PRKCA: variants seen among roughly 807,000 people sequenced by gnomAD.
PRKCA encodes protein kinase C alpha.
Under a neutral mutation model 87.0 loss-of-function variants are expected in PRKCA, and 27 were observed. That is an observed-to-expected ratio of 0.31 (90% CI 0.23 to 0.43). The LOEUF (loss-of-function observed/expected upper bound fraction) is 0.43, where lower values mean the gene tolerates loss of function less well. Ranked by LOEUF, PRKCA falls within the 20% of genes least tolerant of loss-of-function variation. The pLI is 1.00. For missense variants in PRKCA, 518 were observed against 852.3 expected (o/e 0.61, Z 4.88); for synonymous variants, 329 against 311.1 (o/e 1.06, Z -0.61).
intron 2 of PRKCA, among the ~76,000 whole-genome samples, chr17:66,401,254 A>T (rs1393388399): frequency 1.3e-5 from 2 of 152,222 alleles, no homozygotes; most frequent in Non-Finnish European, 1.5e-5. Flanking sequence ...TCAGCTTGTG[A>T]CGTGGGATAA....
chr17:66,754,729 G>A (rs1158565138), intron 13 of PRKCA, among the ~76,000 whole-genome samples: 5 of 152,096 alleles, frequency 3.3e-5, no homozygotes, highest in Non-Finnish European at 5.9e-5. Flanking sequence ...GGGCCAAGTC[G>A]ATTAGATGAT....
chr17:66,319,837 G>A (rs1905544487), intron 2 of PRKCA, among the ~76,000 whole-genome samples: 1 of 151,994 alleles, frequency 6.6e-6, no homozygotes. Flanking sequence ...CGCCTACTGG[G>A]TTCAAGGGAT....
chr17:66,780,972 G>T (rs1014889307), intron 14 of PRKCA, among the ~76,000 whole-genome samples: 1 of 152,024 alleles, frequency 6.6e-6, no homozygotes, highest in African/African-American at 2.4e-5. Flanking sequence ...AGCCAGGCGT[G>T]GTGACGTGCA....
chr17:66,564,037 T>TCTTC (rs1968809701), intron 3 of PRKCA, among the ~76,000 whole-genome samples: 2 of 149,570 alleles, frequency 1.3e-5, no homozygotes, highest in African/African-American at 4.9e-5. Context: ...TTTCTTCCTC[T>TCTTC]CTTCCTTCCT....
rs1222108675 is a variant in PRKCA, at chr17:66,806,980, G to A, written c.*2943G>A. On this transcript the variant is annotated 3_prime_UTR_variant, in exon 17 of 17. Transcript: ENST00000413366. ...GGCTTTCCAGATCTCAGCAGCCAAA[G>A]ACAGTTATTGTTGGAAGACTGTCAT... 2 of 152,316 alleles carry A rather than the reference G, an allele frequency of 1.3e-5. No individual in the cohort carries two copies. The highest frequency in any genetic ancestry group is 4.8e-5 in the African/African-American group (2 of 41,462). 9.4% of individuals were successfully genotyped at this position (152,316 alleles called of 1,614,324 possible).
chr17:66,389,708 G>C (rs1255309964), intron 2 of PRKCA, among the ~76,000 whole-genome samples: 1 of 152,196 alleles, frequency 6.6e-6, no homozygotes, highest in African/African-American at 2.4e-5. Flanking sequence ...TTTAGAGATT[G>C]GCTGAGGAGC....
At chr17:66,306,360 T>C in intron 2 of PRKCA, 1 of 393,958 alleles carries the variant, frequency 2.5e-6, no homozygotes, top group East Asian at 4.0e-5. Context: ...TGTAATTTTA[T>C]TTTTTGCCGA....
intron 7 of PRKCA, 129 bp downstream of exon 7, chr17:66,688,565 G>A (rs1972692162): frequency 8.2e-7 from 1 of 1,215,780 alleles, no homozygotes; most frequent in Non-Finnish European, 1.1e-6. Flanking sequence ...CACTTCAAGA[G>A]GCCGAGGCAG....
At chr17:66,694,388 A>G (rs979227903) in intron 8 of PRKCA, among the ~76,000 whole-genome samples, 1 of 147,974 alleles carries the variant, frequency 6.8e-6, no homozygotes, top group Non-Finnish European at 1.5e-5. Flanking sequence ...AGACTGAGGC[A>G]GAGAATTGCC....
intron 8 of PRKCA, among the ~76,000 whole-genome samples, chr17:66,701,794 G>A (rs1973071134): frequency 6.6e-6 from 1 of 152,054 alleles, no homozygotes; most frequent in African/African-American, 2.4e-5. Flanking sequence ...CTGTTAGAAT[G>A]GCAGTTATCA....
chr17:66,642,467 A>G (rs1288811721), intron 4 of PRKCA, among the ~76,000 whole-genome samples: 1 of 152,148 alleles, frequency 6.6e-6, no homozygotes, highest in African/African-American at 2.4e-5. Flanking sequence ...TCCTCAGGCT[A>G]TGTTTGTTTA....
intron 13 of PRKCA, among the ~76,000 whole-genome samples, chr17:66,761,831 C>T (rs570884913): frequency 3.9e-5 from 6 of 151,956 alleles, no homozygotes; most frequent in African/African-American, 1.5e-4. Flanking sequence ...CGTATCTTAG[C>T]GTATTTGTCT....
At chr17:66,548,808 G>GT (rs10543010) in intron 3 of PRKCA, among the ~76,000 whole-genome samples, 56 of 147,676 alleles carry the variant, frequency 3.8e-4, no homozygotes, top group Middle Eastern at 3.5e-3. Context: ...GTTTCGGCAA[G>GT]TTTTTTTTTT....
chr17:66,688,501 G>C, intron 7 of PRKCA, 65 bp downstream of exon 7: 1 of 1,595,738 alleles, frequency 6.3e-7, no homozygotes, highest in Non-Finnish European at 8.6e-7. Context: ...TTAGGTTTCA[G>C]TCTCTCAAAT....
intron 13 of PRKCA, among the ~76,000 whole-genome samples, chr17:66,758,376 T>C (rs1974605658): frequency 6.6e-6 from 1 of 152,192 alleles, no homozygotes; most frequent in Admixed American, 6.5e-5. Context: ...AGAAATTTGA[T>C]CTACGGGAAG....
At chr17:66,712,585 A>C (rs745447500) in intron 8 of PRKCA, among the ~76,000 whole-genome samples, 1 of 152,132 alleles carries the variant, frequency 6.6e-6, no homozygotes, top group Non-Finnish European at 1.5e-5. Flanking sequence ...CCTAGCTCTA[A>C]TGAAGGGCTG....
chr17:66,678,486 A>G (rs1181264540), intron 5 of PRKCA, among the ~76,000 whole-genome samples: 1 of 152,226 alleles, frequency 6.6e-6, no homozygotes, highest in Non-Finnish European at 1.5e-5. Context: ...GGTAGGCCAG[A>G]GCTAGATTAA....
intron 3 of PRKCA, among the ~76,000 whole-genome samples, chr17:66,551,041 G>A (rs770069772): frequency 6.6e-6 from 1 of 152,138 alleles, no homozygotes; most frequent in Non-Finnish European, 1.5e-5. Flanking sequence ...AACAATTGAT[G>A]TTTATTATTT....
intron 2 of PRKCA, among the ~76,000 whole-genome samples, chr17:66,418,673 G>C (rs188568925): frequency 3.9e-5 from 6 of 152,046 alleles, no homozygotes; most frequent in African/African-American, 1.4e-4. Context: ...CTGACCTCAA[G>C]TGATCTTCCA....
Sources: allele counts gnomAD v4.1 joint callset (sites outside exome capture counted in the v4.1 genomes callset), GRCh38; gene constraint gnomAD v4.1.1; transcripts MANE v1.5; gene names NCBI Gene and HGNC (gene_info 2026-07-23, HGNC 2026-07-21).